SH2D6: variants seen among roughly 807,000 people sequenced by gnomAD.
SH2D6 encodes SH2 domain-containing protein 6.
SH2D6 carries 31 observed loss-of-function variants against 30.2 expected under a neutral mutation model. That is an observed-to-expected ratio of 1.03 (90% CI 0.77 to 1.38). The LOEUF (loss-of-function observed/expected upper bound fraction) is 1.38, where lower values mean the gene tolerates loss of function less well. Among genes scored for constraint, SH2D6 ranks in the 40% most tolerant of loss-of-function variants. The pLI, the probability that SH2D6 is intolerant of heterozygous loss-of-function variation, is 0.00. For missense variants in SH2D6, 240 were observed against 266.8 expected (o/e 0.90, Z 0.70); for synonymous variants, 93 against 104.6 (o/e 0.89, Z 0.68).
intron 5 of SH2D6, among the ~76,000 whole-genome samples, chr2:85,423,892 GTTCCGTTGGCTGTAGGCCC>G (rs1558745888): frequency 6.6e-6 from 1 of 152,236 alleles, no homozygotes; most frequent in African/African-American, 2.4e-5. Context: ...CAACCACAGA[GTTCCGTTGGCTGTAGGCCC>G]TTCCACCAGG....
chr2:85,426,403 C>A (rs1347266832), intron 6 of SH2D6, among the ~76,000 whole-genome samples: 2 of 152,110 alleles, frequency 1.3e-5, no homozygotes, highest in Non-Finnish European at 2.9e-5. Context: ...AACAGAATCT[C>A]TCTGGCCTTT....
intron 2 of SH2D6, chr2:85,420,844 C>T (rs1687724601): frequency 6.6e-6 from 1 of 152,366 alleles, no homozygotes; most frequent in South Asian, 2.1e-4. Context: ...GTCGCCCTCT[C>T]CCGTGGAACG....
intron 13 of SH2D6, 104 bp downstream of exon 13, chr2:85,431,372 C>T (rs1484689666): frequency 6.6e-6 from 1 of 152,540 alleles, no homozygotes; most frequent in African/African-American, 2.4e-5. Context: ...AAGATTCCCC[C>T]ACATTTGCAT....
At chr2:85,428,995 G>A (rs562179411) in intron 7 of SH2D6, among the ~76,000 whole-genome samples, 1 of 152,356 alleles carries the variant, frequency 6.6e-6, no homozygotes, top group East Asian at 1.9e-4. Context: ...CACTAAATAT[G>A]AGAACTTCTT....
At chr2:85,434,635 A>T in intron 19 of SH2D6, 138 bp downstream of exon 19, 2 of 1,249,888 alleles carry the variant, frequency 1.6e-6, no homozygotes, top group South Asian at 3.0e-5. Context: ...AAAAAAAAAA[A>T]CTAGGTGAAT....
chr2:85,433,071 A>G, intron 14 of SH2D6, 28 bp from the exon 15 acceptor site: 1 of 985,928 alleles, frequency 1.0e-6, no homozygotes, highest in Non-Finnish European at 1.2e-6. Context: ...GCCGTGCATG[A>G]CAGGTGGTTC....
chr2:85,427,323 C>T (rs1415441401), intron 6 of SH2D6, among the ~76,000 whole-genome samples: 1 of 152,222 alleles, frequency 6.6e-6, no homozygotes, highest in Non-Finnish European at 1.5e-5. Flanking sequence ...CTATGGTGTG[C>T]ACAGAGCAAT....
chr2:85,420,074 T>TA (rs935492058), intron 2 of SH2D6, among the ~76,000 whole-genome samples: 2 of 152,140 alleles, frequency 1.3e-5, no homozygotes, highest in African/African-American at 2.4e-5. Flanking sequence ...CTGGACTCTT[T>TA]AATAAGAGCC....
rs1392283278 is a variant in SH2D6, at chr2:85,428,619, GTTT to G, written c.-172_-170del. 1 of 152,140 alleles carries G rather than the reference GTTT, an allele frequency of 6.6e-6. No homozygotes were observed. Among genetic ancestry groups the G allele is most frequent in the Non-Finnish European group, 1.5e-5 (1 of 68,034 alleles). The allele number at this position is 152,140 out of a possible 1,614,324, so 9.4% of individuals were successfully genotyped here. A position where few individuals can be genotyped will look rare whatever the true frequency, so the allele number is the denominator to read the frequency against. ...ATGTGAGGACACAGAGAAAGCAGCC[GTTT>G]ACAAGCCAAGAAGAGAGGCCGCATC... On this transcript the variant is annotated 5_prime_UTR_variant, in exon 7 of 24. Coordinates refer to ENST00000469800, the MANE Select transcript of SH2D6 (RefSeq NM_001394463.1).
At chr2:85,432,286 T>C (rs1688775891) in intron 14 of SH2D6, among the ~76,000 whole-genome samples, 1 of 151,974 alleles carries the variant, frequency 6.6e-6, no homozygotes, top group South Asian at 2.1e-4. Context: ...CTCGCTCTGT[T>C]ACCCATGCTG....
intron 22 of SH2D6, 127 bp downstream of exon 22, chr2:85,435,951 G>GC: frequency 7.7e-7 from 1 of 1,300,062 alleles, no homozygotes; most frequent in Non-Finnish European, 1.0e-6. Flanking sequence ...AAATGACAGA[G>GC]CCCAGAGCCC....
At chr2:85,420,784 G>A (rs537985792) in intron 2 of SH2D6, 1 of 152,396 alleles carries the variant, frequency 6.6e-6, no homozygotes, top group African/African-American at 2.4e-5. Context: ...GTCAGCCTCC[G>A]GGCCCAGGAA....
chr2:85,425,413 C>T lies in SH2D6; in HGVS notation c.-209+6C>T, dbSNP rs1043253361. ...CCTGAGGGCTGGGATTACAGGTACT[C>T]GCCACAATGCCCGGCTAATAGTTTT... On this transcript the variant is annotated splice_donor_region_variant and intron_variant, in intron 6 of 23. Coordinates refer to ENST00000469800, the MANE Select transcript of SH2D6 (RefSeq NM_001394463.1). The T allele has an allele frequency of 6.6e-6, 1 of 151,832 alleles. No individual in the cohort carries two copies. The highest frequency in any genetic ancestry group is 2.4e-5 in the African/African-American group (1 of 41,312). The allele number at this position is 151,832 out of a possible 1,614,324, so 9.4% of individuals were successfully genotyped here.
intron 5 of SH2D6, among the ~76,000 whole-genome samples, chr2:85,423,651 C>T (rs78068669): frequency 0.059 from 8,979 of 152,286 alleles, 386 homozygotes; most frequent in Middle Eastern, 0.085. Context: ...GGGGCAGAGG[C>T]CTCTCCTAGG....
intron 2 of SH2D6, chr2:85,421,517 C>T (rs1251677592): frequency 1.3e-5 from 2 of 152,216 alleles, no homozygotes; most frequent in Non-Finnish European, 2.9e-5. Context: ...TGAATAGCAG[C>T]TACAACAAAT....
Position 85,435,651 on chromosome 2 carries a change from G to C in SH2D6, c.733-15G>C. On this transcript the variant is annotated splice_polypyrimidine_tract_variant and intron_variant, in intron 21 of 23. Coordinates refer to ENST00000469800, the MANE Select transcript of SH2D6 (RefSeq NM_001394463.1). ...CATTGGAAGATGAGGTTGATGGCTG[G>C]GGTCTCCTCCACAGGATGGGGCCTA... is the stretch of plus-strand genomic sequence containing the variant. The C allele has an allele frequency of 6.3e-7, 1 of 1,588,760 alleles. No individual in the cohort carries two copies. Among genetic ancestry groups the C allele is most frequent in the Non-Finnish European group, 8.6e-7 (1 of 1,166,122 alleles).
chr2:85,421,035 A>C (rs1364422532), intron 2 of SH2D6: 1 of 152,348 alleles, frequency 6.6e-6, no homozygotes, highest in Non-Finnish European at 1.5e-5. Flanking sequence ...GTGGGGTTGG[A>C]GACGTCGGGG....
rs767215504 is a variant in SH2D6 at position 85,422,321 on chromosome 2, C to T, written c.-465+7C>T. 4 of 151,988 alleles carry T rather than the reference C, an allele frequency of 2.6e-5. No individual in the cohort carries two copies. Among genetic ancestry groups the T allele is most frequent in the Admixed American group, 6.6e-5 (1 of 15,248 alleles). The allele number at this position is 151,988 out of a possible 1,614,324, so 9.4% of individuals were successfully genotyped here. On this transcript the variant is annotated splice_region_variant and intron_variant, in intron 3 of 23. Transcript: ENST00000469800. ...GACCAGCCTGGACAACATAGTGAGA[C>T]CCCATATCTGTTTTTAAATTAAAAA...
At position 85,435,078 on chromosome 2, in the gene SH2D6, G is replaced by C; in HGVS notation, c.603G>C (p.Ser201=). 1 of 1,398,786 alleles carries C rather than the reference G, an allele frequency of 7.1e-7. No homozygotes were observed. Among genetic ancestry groups the C allele is most frequent in the Non-Finnish European group, 9.5e-7 (1 of 1,051,340 alleles). The allele number at this position is 1,398,786 out of a possible 1,614,324, so 86.6% of individuals were successfully genotyped here. A position where few individuals can be genotyped will look rare whatever the true frequency, so the allele number is the denominator to read the frequency against. Reference sequence around the variant, plus strand: ...TGCTTCTTCTAGAAGGAAGGAAATCGTCTCTTCCCTCTGTAGCCCCCACTG... The same window carrying C: ...TGCTTCTTCTAGAAGGAAGGAAATCCTCTCTTCCCTCTGTAGCCCCCACTG... ...ADAASKEGRK[S]SLPSVAPTGS... is the part of the protein sequence containing the mutation. The change falls in exon 20 of 24, where the codon TCG becomes TCC. Residue 201 remains serine (S), a synonymous_variant. Coordinates refer to ENST00000469800, the MANE Select transcript of SH2D6 (RefSeq NM_001394463.1).
Sources: allele counts gnomAD v4.1 joint callset (sites outside exome capture counted in the v4.1 genomes callset), GRCh38; gene constraint gnomAD v4.1.1; transcripts MANE v1.5; gene names NCBI Gene and HGNC (gene_info 2026-07-23, HGNC 2026-07-21).